LRRC69: variants seen among roughly 807,000 people sequenced by gnomAD.
LRRC69 encodes the protein leucine rich repeat containing 69.
A neutral mutation model predicts 37.8 loss-of-function variants in LRRC69; 42 were observed. The ratio of observed to expected loss-of-function variants is 1.11; its 90% CI spans 0.87 to 1.44. The LOEUF is 1.44. Ranked by LOEUF, LRRC69 falls within the 40% of genes most tolerant of loss-of-function variation. The probability of loss-of-function intolerance (pLI) is 0.00; values close to 1 mark genes in which losing one functional copy is unlikely to be tolerated. For missense variants in LRRC69, 357 were observed against 401.9 expected (o/e 0.89, Z 0.96); for synonymous variants, 141 against 143.1 (o/e 0.99, Z 0.11).
At chr8:91,151,820 T>C (rs1053302844) in intron 5 of LRRC69, among the ~76,000 whole-genome samples, 5 of 151,722 alleles carry the variant, frequency 3.3e-5, no homozygotes, top group African/African-American at 9.7e-5. Flanking sequence ...TTTCTTGACT[T>C]TTTAATAATT....
chr8:91,157,155 T>C, intron 5 of LRRC69: 1 of 707,444 alleles, frequency 1.4e-6, no homozygotes, highest in Non-Finnish European at 2.5e-6. Context: ...CTGTGAAGAG[T>C]GTCATTGGTA....
intron 6 of LRRC69, among the ~76,000 whole-genome samples, chr8:91,196,303 G>A (rs1437073975): frequency 6.6e-6 from 1 of 151,750 alleles, no homozygotes; most frequent in East Asian, 1.9e-4. Context: ...CAAGTTTGGT[G>A]AATCTGACAA....
chr8:91,150,523 C>A (rs1367782934), intron 5 of LRRC69, among the ~76,000 whole-genome samples: 9 of 151,982 alleles, frequency 5.9e-5, no homozygotes, highest in Non-Finnish European at 1.3e-4. Flanking sequence ...CAATGTTCAT[C>A]AGGGATATTG....
chr8:91,201,189 G>T (rs1326283808), intron 7 of LRRC69, among the ~76,000 whole-genome samples: 1 of 152,164 alleles, frequency 6.6e-6, no homozygotes, highest in Admixed American at 6.5e-5. Flanking sequence ...TCATGATGGT[G>T]TTCTAGAACA....
intron 6 of LRRC69, among the ~76,000 whole-genome samples, chr8:91,190,268 G>T (rs1042748105): frequency 6.5e-4 from 90 of 137,872 alleles, no homozygotes; most frequent in African/African-American, 1.7e-3. Context: ...GGCTTACTTT[G>T]TTTTTTTTTT....
In LRRC69 at chr8:91,152,997, A is replaced by G. The variant is rs2130550230; in HGVS notation, c.651+17258A>G. ...CAAGAGACCCATCTCATGTGCCAAG[A>G]TACACATAGGCTCAAAATAAAGGGA... On this transcript the variant is annotated intron_variant, in intron 5 of 7. Transcript: ENST00000448384. 2.0e-5 allele frequency among the ~76,000 whole-genome samples: 3 copies of G among 151,538 alleles called. No individual in the cohort carries two copies. In the Admixed American group the frequency reaches 2.0e-4, roughly 10 times the overall value.
intron 7 of LRRC69, among the ~76,000 whole-genome samples, chr8:91,206,446 T>C (rs1302939663): frequency 1.3e-5 from 2 of 152,180 alleles, no homozygotes; most frequent in South Asian, 4.1e-4. Flanking sequence ...AAATATGTAA[T>C]CTTGATCACA....
At chr8:91,129,768 ATTTC>A (rs2130510220) in intron 3 of LRRC69, among the ~76,000 whole-genome samples, 1 of 151,590 alleles carries the variant, frequency 6.6e-6, no homozygotes, top group African/African-American at 2.4e-5. Context: ...CCATTGTTCT[ATTTC>A]TTTCCTTCCT....
chr8:91,184,250 G>T (rs1809369659), intron 5 of LRRC69, among the ~76,000 whole-genome samples: 1 of 152,142 alleles, frequency 6.6e-6, no homozygotes, highest in African/African-American at 2.4e-5. Context: ...CTGCACTCCA[G>T]CCTGGGTGAC....
intron 2 of LRRC69, chr8:91,124,858 T>C: frequency 2.8e-6 from 1 of 356,902 alleles, no homozygotes; most frequent in East Asian, 6.8e-5. Flanking sequence ...ATTTTCCTCT[T>C]TGTAGAATCA....
chr8:91,170,230 A>G, intron 5 of LRRC69, among the ~76,000 whole-genome samples: 1 of 124,614 alleles, frequency 8.0e-6, no homozygotes, highest in Non-Finnish European at 1.7e-5. Context: ...CTGGTGTGAG[A>G]TGGTATCTCA....
intron 5 of LRRC69, among the ~76,000 whole-genome samples, chr8:91,165,425 G>A (rs1001264362): frequency 3.3e-5 from 5 of 151,752 alleles, no homozygotes; most frequent in Admixed American, 6.6e-5. Flanking sequence ...AAAGCTGATC[G>A]TGTCACTGTG....
intron 5 of LRRC69, among the ~76,000 whole-genome samples, chr8:91,187,441 A>G (rs571952601): frequency 2.0e-5 from 3 of 152,274 alleles, no homozygotes; most frequent in African/African-American, 7.2e-5. Flanking sequence ...TACACACAAC[A>G]TGCTCATTCT....
At chr8:91,219,247 G>A (rs180737735), downstream of LRRC69, 47 of 300,978 alleles carry the variant, frequency 1.6e-4, 1 homozygote, top group African/African-American at 9.0e-4. Flanking sequence ...AAAGATTTGT[G>A]TGGCAAGTGA....
intron 5 of LRRC69, among the ~76,000 whole-genome samples, chr8:91,143,669 T>C (rs917598194): frequency 2.6e-5 from 4 of 152,028 alleles, no homozygotes; most frequent in African/African-American, 9.6e-5. Flanking sequence ...ATCATAGTTA[T>C]AGCACCTATT....
chr8:91,154,397 G>C (rs186955024), intron 5 of LRRC69, among the ~76,000 whole-genome samples: 1 of 151,744 alleles, frequency 6.6e-6, no homozygotes, highest in African/African-American at 2.4e-5. Flanking sequence ...GCATCATTCT[G>C]ATACCAAAGC....
chr8:91,196,185 T>G (rs1200743516), intron 6 of LRRC69, among the ~76,000 whole-genome samples: 1 of 152,050 alleles, frequency 6.6e-6, no homozygotes, highest in Non-Finnish European at 1.5e-5. Flanking sequence ...CACTCTCTTC[T>G]GGCTTGTAGG....
intron 5 of LRRC69, among the ~76,000 whole-genome samples, chr8:91,155,359 T>C (rs1808815132): frequency 6.7e-6 from 1 of 150,258 alleles, no homozygotes; most frequent in Non-Finnish European, 1.5e-5. Flanking sequence ...CACATAATAA[T>C]TGTACATATT....
intron 5 of LRRC69, among the ~76,000 whole-genome samples, chr8:91,160,419 C>T (rs151180497): frequency 1.1e-4 from 16 of 150,956 alleles, no homozygotes; most frequent in Admixed American, 9.9e-4. Context: ...CTTAGGAACT[C>T]CAGTACTGAC....
Sources: allele counts gnomAD v4.1 joint callset (sites outside exome capture counted in the v4.1 genomes callset), GRCh38; gene constraint gnomAD v4.1.1; transcripts MANE v1.5; gene names NCBI Gene and HGNC (gene_info 2026-07-23, HGNC 2026-07-21).